SLC35F3: variants seen among roughly 807,000 people sequenced by gnomAD.
SLC35F3 encodes the protein putative thiamine transporter SLC35F3.
Under a neutral mutation model 49.9 loss-of-function variants are expected in SLC35F3, and 25 were observed. The ratio of observed to expected loss-of-function variants is 0.50; its 90% CI spans 0.37 to 0.70. SLC35F3 has a LOEUF of 0.70. Among genes scored for constraint, SLC35F3 ranks in the 30% least tolerant of loss-of-function variants. The pLI, the probability that SLC35F3 is intolerant of heterozygous loss-of-function variation, is 0.00. For synonymous variants in SLC35F3, 275 were observed against 265.4 expected, an observed-to-expected ratio of 1.04 and a Z score of -0.35; for missense variants, 525 against 639.8, an observed-to-expected ratio of 0.82 and a Z score of 1.94.
At chr1:233,926,028 G>T (rs1454224206) in intron 2 of SLC35F3, among the ~76,000 whole-genome samples, 1 of 152,180 alleles carries the variant, frequency 6.6e-6, no homozygotes, top group Admixed American at 6.5e-5. Context: ...GCTTCCCTTT[G>T]TGGGTAACCC....
intron 2 of SLC35F3, among the ~76,000 whole-genome samples, chr1:234,113,390 CTTA>C (rs1665437407): frequency 6.6e-6 from 1 of 152,160 alleles, no homozygotes; most frequent in Non-Finnish European, 1.5e-5. Context: ...CAGGCTAATA[CTTA>C]TTTTCTCTTG....
At chr1:233,961,569 A>G (rs545104651) in intron 2 of SLC35F3, among the ~76,000 whole-genome samples, 1 of 138,648 alleles carries the variant, frequency 7.2e-6, no homozygotes, top group East Asian at 2.1e-4. Context: ...CGATTTTCCC[A>G]CCTCAGCCAC....
intron 2 of SLC35F3, among the ~76,000 whole-genome samples, chr1:233,923,901 T>C (rs2102789358): frequency 6.6e-6 from 1 of 152,298 alleles, no homozygotes; most frequent in Middle Eastern, 3.4e-3. Context: ...ATTGAGATAA[T>C]CATGTGGTTT....
At chr1:234,272,368 A>G (rs1339093745) in intron 3 of SLC35F3, 2 of 152,250 alleles carry the variant, frequency 1.3e-5, no homozygotes, top group South Asian at 2.1e-4. Flanking sequence ...ACCACAGACT[A>G]TAAGACCAGA....
At chr1:234,181,150 T>C (rs1029383681) in intron 2 of SLC35F3, among the ~76,000 whole-genome samples, 1 of 151,614 alleles carries the variant, frequency 6.6e-6, no homozygotes, top group African/African-American at 2.4e-5. Context: ...CTGGCCAACA[T>C]GGCAAAATCC....
intron 3 of SLC35F3, among the ~76,000 whole-genome samples, chr1:234,252,631 T>G (rs1667755103): frequency 6.6e-6 from 1 of 152,210 alleles, no homozygotes. Context: ...GATGCTTACT[T>G]TCACTCTTAC....
chr1:233,946,030 A>C (rs903716723), intron 2 of SLC35F3, among the ~76,000 whole-genome samples: 5 of 152,268 alleles, frequency 3.3e-5, no homozygotes, highest in Non-Finnish European at 4.4e-5. Flanking sequence ...CCAAGCTGGT[A>C]CATACAATTT....
rs573991512 is a variant in SLC35F3 at position 234,195,934 on chromosome 1, C to T, written c.284-35483C>T. Among the ~76,000 whole-genome samples, 5 of 152,286 alleles carry T rather than the reference C, an allele frequency of 3.3e-5. No individual in the cohort carries two copies. The South Asian group carries it at 1.0e-3, about 32-fold the overall frequency. ...CATGTAAGACATGCCTTTCGCCTTC[C>T]ACCGTGATTGTGAGGACTCCCCAGC... On this transcript the variant is annotated intron_variant, in intron 2 of 7. Coordinates refer to ENST00000366618, the MANE Select transcript of SLC35F3 (RefSeq NM_173508.4).
At position 234,286,345 on chromosome 1, in the gene SLC35F3, T is replaced by G. The variant is rs185146533; in HGVS notation, c.609-22756T>G. Among the ~76,000 whole-genome samples, 23 of 151,596 alleles carry G rather than the reference T, an allele frequency of 1.5e-4. No individual in the cohort carries two copies. The East Asian group carries it at 3.9e-3, about 26-fold the overall frequency. ...GAACAGAAAATTTAATAGGAATAAA[T>G]GTAAGGTATCCACATGGATCTATAA... On this transcript the variant is annotated intron_variant, in intron 3 of 7. Transcript: ENST00000366618.
In SLC35F3 at chr1:234,046,783, G is replaced by A. The variant is rs1664297075; in HGVS notation, c.283+141025G>A. 6.6e-6 allele frequency among the ~76,000 whole-genome samples: 1 copy of A among 152,082 alleles called. No individual in the cohort carries two copies. Among genetic ancestry groups the A allele is most frequent in the Non-Finnish European group, 1.5e-5 (1 of 67,988 alleles). On this transcript the variant is annotated intron_variant, in intron 2 of 7. Coordinates refer to ENST00000366618, the MANE Select transcript of SLC35F3 (RefSeq NM_173508.4). The surrounding 1 kb of genome is among the most constrained non-coding windows in gnomAD (Gnocchi z 4.4). ...TCTGTAATGATAATAGACCTCTAAT[G>A]CTAATATGAAGTACATCTCTAATTC...
rs369088098 is a variant in SLC35F3, at chr1:234,046,102, T to C, written c.283+140344T>C. On this transcript the variant is annotated intron_variant, in intron 2 of 7. Coordinates refer to ENST00000366618, the MANE Select transcript of SLC35F3 (RefSeq NM_173508.4). The surrounding 1 kb of genome is among the most constrained non-coding windows in gnomAD (Gnocchi z 4.4). The stretch of plus-strand genomic sequence containing the variant: ...AAACAGCACTGCAGGAAACATTTTG[T>C]ATAGGTTTCTTTGTGCATGTATAAC... Among the ~76,000 whole-genome samples the C allele has an allele frequency of 7.9e-5, 12 of 152,264 alleles. No individual in the cohort carries two copies. In the East Asian group the frequency reaches 2.1e-3, roughly 27 times the overall value.
In SLC35F3 at chr1:233,905,591, G is replaced by A. The variant is rs753132237; in HGVS notation, c.116G>A (p.Arg39Gln). The A allele has an allele frequency of 8.7e-6, 14 of 1,614,154 alleles. No individual in the cohort carries two copies. The highest frequency in any genetic ancestry group is 4.5e-5 in the East Asian group (2 of 44,870). Residue 39 changes from arginine to glutamine, a missense_variant, in exon 2 of 8, where the codon CGG (arginine) becomes CAG (glutamine). Physicochemically the swap from Arg to Gln is conservative, Grantham distance 43. Around this residue, in one of 4 missense-constraint regions of SLC35F3, gnomAD observed 228 missense variants for 218.9 expected, o/e 1.04. Transcript: ENST00000366618. ...CTGTCCGACATCAGCCCCCAGCTCCGGCAGCTCAAGTACTTGGTGGTGGAC... is the reference window on the plus strand; with the variant it reads ...CTGTCCGACATCAGCCCCCAGCTCCAGCAGCTCAAGTACTTGGTGGTGGAC... Reference protein sequence around the residue: ...RRLSDISPQLRQLKYLVVDEA... With the variant: ...RRLSDISPQLQQLKYLVVDEA...
In SLC35F3 at chr1:234,309,134, G is replaced by C. The variant is rs75460868; in HGVS notation, c.642G>C (p.Leu214Phe). The C allele has an allele frequency of 6.2e-7, 1 of 1,613,932 alleles. No homozygotes were observed. The highest frequency in any genetic ancestry group is 1.3e-5 in the African/African-American group (1 of 75,024). The stretch of plus-strand genomic sequence containing the variant: ...GTCGATTTTTTGGAGACAATGGCTT[G>C]ACTTTGAAGGTGTTTTTTACCAAGG... ...ECCRFFGDNG[L>F]TLKVFFTKAA... Residue 214 changes from leucine (L) to phenylalanine (F), a missense_variant, in exon 4 of 8, where the codon TTG (leucine) becomes TTC (phenylalanine). By Grantham distance (22) the Leu-to-Phe change is conservative. Around this residue, in one of 4 missense-constraint regions of SLC35F3, gnomAD observed 216 missense variants for 298.1 expected, o/e 0.72. Transcript: ENST00000366618.
At chr1:234,159,047 A>T (rs1666191739) in intron 2 of SLC35F3, among the ~76,000 whole-genome samples, 1 of 152,128 alleles carries the variant, frequency 6.6e-6, no homozygotes, top group Non-Finnish European at 1.5e-5. Context: ...TTTGCTTCAT[A>T]CCAGGACTGC....
intron 2 of SLC35F3, among the ~76,000 whole-genome samples, chr1:234,074,516 A>G (rs1664766156): frequency 6.6e-6 from 1 of 152,248 alleles, no homozygotes; most frequent in South Asian, 2.1e-4. Context: ...GTGCCCAAGT[A>G]GGTGGAAAGA....
At chr1:234,294,199 C>G (rs1292652939) in intron 3 of SLC35F3, among the ~76,000 whole-genome samples, 1 of 152,124 alleles carries the variant, frequency 6.6e-6, no homozygotes, top group Non-Finnish European at 1.5e-5. Context: ...ATCCACATAC[C>G]CTTTCCTGCA....
intron 2 of SLC35F3, among the ~76,000 whole-genome samples, chr1:234,153,742 A>G (rs1381907235): frequency 6.6e-6 from 1 of 152,166 alleles, no homozygotes; most frequent in African/African-American, 2.4e-5. Flanking sequence ...GCCATGGGCA[A>G]CATGGCAAAA....
intron 3 of SLC35F3, among the ~76,000 whole-genome samples, chr1:234,253,324 C>T (rs1319056301): frequency 6.6e-6 from 1 of 150,916 alleles, no homozygotes; most frequent in Non-Finnish European, 1.5e-5. Flanking sequence ...AAAAAAACTT[C>T]ATCTCAAAAA....
rs536414811 is a variant in SLC35F3, at chr1:233,998,570, A to G, written c.283+92812A>G. 1.3e-4 allele frequency among the ~76,000 whole-genome samples: 19 copies of G among 151,020 alleles called. No homozygotes were observed. In the East Asian group the frequency reaches 3.3e-3, roughly 26 times the overall value. Reference sequence around the variant, plus strand: ...AGGAAGGGATTTCTCTCAGGAAATCATACGAGATTATAAAAAAGCCCTATC... The same window carrying G: ...AGGAAGGGATTTCTCTCAGGAAATCGTACGAGATTATAAAAAAGCCCTATC... On this transcript the variant is annotated intron_variant, in intron 2 of 7. Transcript: ENST00000366618.
Sources: gnomAD v4.1 joint callset for allele counts (sites outside exome capture counted in the v4.1 genomes callset) on GRCh38, gnomAD v4.1.1 for gene constraint, gnomAD v4.1.1 regional missense constraint, Gnocchi (gnomAD v3.1) non-coding constraint, MANE v1.5 for transcripts, NCBI Gene and HGNC (gene_info 2026-07-23, HGNC 2026-07-21) for gene names.